Variants in HECW1 observed in about 807,000 individuals in gnomAD.
The protein encoded by HECW1 is HECT, C2 and WW domain containing E3 ubiquitin protein ligase 1.
In HECW1, 61 loss-of-function variants were observed where a neutral mutation model predicts 182.3. That is an observed-to-expected ratio of 0.33 (90% CI 0.27 to 0.41). The LOEUF (loss-of-function observed/expected upper bound fraction) is 0.41. Among genes scored for constraint, HECW1 ranks in the 10% least tolerant of loss-of-function variants. The probability of loss-of-function intolerance (pLI) is 1.00; values close to 1 mark genes in which losing one functional copy is unlikely to be tolerated. For missense variants in HECW1, 1,739 were observed against 2,108.9 expected (o/e 0.82, Z 3.44); for synonymous variants, 859 against 832.6 (o/e 1.03, Z -0.55).
At chr7:43,155,289 G>T (rs753723936) in intron 2 of HECW1, among the ~76,000 whole-genome samples, 1 of 152,068 alleles carries the variant, frequency 6.6e-6, no homozygotes, top group Non-Finnish European at 1.5e-5. Context: ...TGTCCTCAAA[G>T]AAATACAATT....
chr7:43,360,214 T>TC (rs1369666427), intron 5 of HECW1, among the ~76,000 whole-genome samples: 2 of 134,798 alleles, frequency 1.5e-5, no homozygotes, highest in Non-Finnish European at 3.1e-5. Flanking sequence ...TATAGAACTT[T>TC]CTTTTTTTTT....
intron 5 of HECW1, among the ~76,000 whole-genome samples, chr7:43,344,691 G>A (rs781342804): frequency 8.6e-5 from 13 of 151,726 alleles, no homozygotes; most frequent in African/African-American, 1.5e-4. Flanking sequence ...TTGCTCTTTC[G>A]TCTATATTTT....
At chr7:43,358,097 G>A (rs1815394146) in intron 5 of HECW1, among the ~76,000 whole-genome samples, 1 of 152,088 alleles carries the variant, frequency 6.6e-6, no homozygotes, top group Admixed American at 6.6e-5. Context: ...GCCCGTTTGG[G>A]ATTCCTGGTA....
intron 5 of HECW1, among the ~76,000 whole-genome samples, chr7:43,329,146 GT>G (rs34105302): frequency 0.2 from 30,891 of 152,070 alleles, 4,030 homozygotes; most frequent in Non-Finnish European, 0.3. Context: ...AACTCGGCCA[GT>G]TGGGAAGGAA....
chr7:43,193,913 G>A lies in HECW1; in HGVS notation c.-31-49962G>A, dbSNP rs930921173. ...TGCAGATTGTGAATGCCCCCCACAA[G>A]AGACAGCTTTGCAGGGCCATTTCAA... On this transcript the variant is annotated intron_variant, in intron 2 of 29. Transcript: ENST00000395891. Among the ~76,000 whole-genome samples, 6 of 152,332 alleles carry A rather than the reference G, an allele frequency of 3.9e-5. No homozygotes were observed. In the South Asian group the frequency reaches 1.0e-3, roughly 26 times the overall value.
chr7:43,524,106 G>C (rs185038158), intron 24 of HECW1, among the ~76,000 whole-genome samples: 7 of 152,250 alleles, frequency 4.6e-5, no homozygotes, highest in Admixed American at 2.6e-4. Context: ...CCACCCCATA[G>C]AGTCTGATCT....
intron 2 of HECW1, among the ~76,000 whole-genome samples, chr7:43,115,443 A>C (rs7798517): frequency 6.6e-6 from 1 of 152,102 alleles, no homozygotes; most frequent in Non-Finnish European, 1.5e-5. Flanking sequence ...TTGAGAATTC[A>C]CTTTTTCCAA....
chr7:43,120,851 C>T (rs55784834), intron 2 of HECW1, among the ~76,000 whole-genome samples: 28,129 of 151,884 alleles, frequency 0.19, 2,751 homozygotes, highest in South Asian at 0.24. Flanking sequence ...ACCATGTTGG[C>T]CAGGCTGGTC....
chr7:43,468,981 G>A lies in HECW1; in HGVS notation c.2975G>A (p.Arg992Gln), dbSNP rs769276286. ...CLKHMILKVR[R>Q]DARNFERYQH... The stretch of plus-strand genomic sequence containing the variant: ...AAGCACATGATTCTGAAAGTCCGAC[G>A]GGATGCTCGCAATTTTGAACGCTAC... Residue 992 changes from arginine to glutamine, a missense_variant, in exon 16 of 30, where the codon CGG (arginine) becomes CAG (glutamine). Transcript: ENST00000395891. 3.7e-6 allele frequency: 6 copies of A among 1,614,076 alleles called. No homozygotes were observed. The highest frequency in any genetic ancestry group is 1.7e-5 in the Admixed American group (1 of 60,004).
rs147248944 is a variant in HECW1 at position 43,219,436 on chromosome 7, C to G, written c.-31-24439C>G. Among the ~76,000 whole-genome samples, 535 of 152,162 alleles carry G rather than the reference C, an allele frequency of 3.5e-3. 5 individuals carry two copies. The highest frequency in any genetic ancestry group is 0.012 in the African/African-American group (501 of 41,514). On this transcript the variant is annotated intron_variant, in intron 2 of 29. Transcript: ENST00000395891. ...GGACAAGCAGCAGACAAAACCCCTC[C>G]GATACCGAGCTAAAGAAGGAAGGGC...
chr7:43,440,960 G>C (rs1179529124), intron 9 of HECW1, among the ~76,000 whole-genome samples: 1 of 152,204 alleles, frequency 6.6e-6, no homozygotes, highest in East Asian at 1.9e-4. Flanking sequence ...CTATCAGCCA[G>C]TGATTTATCT....
At chr7:43,541,103 TA>T in intron 24 of HECW1, 59 bp from the exon 25 acceptor site, 2 of 1,349,298 alleles carry the variant, frequency 1.5e-6, no homozygotes, top group Non-Finnish European at 2.1e-6. Context: ...AAGTGCAAAC[TA>T]AAATATTTAA....
chr7:43,178,785 C>A (rs1792514497), intron 2 of HECW1, among the ~76,000 whole-genome samples: 1 of 152,162 alleles, frequency 6.6e-6, no homozygotes. Context: ...ACTACCAGAG[C>A]CGCTGTGGCG....
At chr7:43,158,698 T>C (rs1460782374) in intron 2 of HECW1, among the ~76,000 whole-genome samples, 1 of 152,136 alleles carries the variant, frequency 6.6e-6, no homozygotes, top group Non-Finnish European at 1.5e-5. Flanking sequence ...TCTTGCCTGC[T>C]CCATCAGGCA....
rs1784722910 is a variant in HECW1 at position 43,112,828 on chromosome 7, T to TC, written c.-372dup. 1 of 227,552 alleles carries TC rather than the reference T, an allele frequency of 4.4e-6. No individual in the cohort carries two copies. Among genetic ancestry groups the TC allele is most frequent in the African/African-American group, 2.2e-5 (1 of 44,890 alleles). The allele number at this position is 227,552 out of a possible 1,614,324, so 14.1% of individuals were successfully genotyped here. A position where few individuals can be genotyped will look rare whatever the true frequency, so the allele number is the denominator to read the frequency against. The stretch of plus-strand genomic sequence containing the variant: ...AGAGCGGGCGGTCGCCAGGGTCCCC[T>TC]CCCCAGCCAGTCCCAGGCGCCCGGT... On this transcript the variant is annotated 5_prime_UTR_variant, in exon 1 of 30. Transcript: ENST00000395891.
At chr7:43,318,169 T>G (rs982082897) in intron 4 of HECW1, among the ~76,000 whole-genome samples, 11 of 152,164 alleles carry the variant, frequency 7.2e-5, no homozygotes. Flanking sequence ...ACCCTGACTA[T>G]TAAAGGGAAT....
At chr7:43,319,508 C>T (rs1265872644) in intron 4 of HECW1, among the ~76,000 whole-genome samples, 2 of 150,336 alleles carry the variant, frequency 1.3e-5, no homozygotes, top group Non-Finnish European at 3.0e-5. Context: ...TCTCCTCCCT[C>T]AGTGCTCTCC....
chr7:43,519,536 G>A (rs999449909), intron 24 of HECW1, among the ~76,000 whole-genome samples: 8 of 152,206 alleles, frequency 5.3e-5, no homozygotes, highest in Non-Finnish European at 2.9e-5. Context: ...GAGCCACCGC[G>A]CCTGGCCTAG....
At chr7:43,419,782 G>A (rs2076123511) in intron 8 of HECW1, among the ~76,000 whole-genome samples, 1 of 152,172 alleles carries the variant, frequency 6.6e-6, no homozygotes, top group Non-Finnish European at 1.5e-5. Context: ...TCCCCAGCAA[G>A]GCTGTTTTTA....
Sources: allele counts gnomAD v4.1 joint callset (sites outside exome capture counted in the v4.1 genomes callset), GRCh38; gene constraint gnomAD v4.1.1; transcripts MANE v1.5; gene names NCBI Gene and HGNC (gene_info 2026-07-23, HGNC 2026-07-21).